The following WNK1 variants were observed in gnomAD, a reference collection of about 807,000 sequenced individuals.
The protein encoded by WNK1 is serine/threonine-protein kinase WNK1.
In WNK1, 38 loss-of-function variants were observed where a neutral mutation model predicts 222.8. That is an observed-to-expected ratio of 0.17 (90% confidence interval 0.13 to 0.22). The LOEUF (loss-of-function observed/expected upper bound fraction) is 0.22, where lower values mean the gene tolerates loss of function less well. WNK1 is among the 10% of genes least tolerant of loss of function. The pLI is 1.00. For missense variants in WNK1, 2,348 were observed against 2,918.4 expected (o/e 0.80, Z 4.50); for synonymous variants, 1,090 against 1,092.9 (o/e 1.00, Z 0.05).
intron 4 of WNK1, among the ~76,000 whole-genome samples, chr12:831,785 C>T (rs1242904265): frequency 6.6e-6 from 1 of 151,902 alleles, no homozygotes; most frequent in Non-Finnish European, 1.5e-5. Context: ...GACAAAATCC[C>T]TCTGAGGTCC....
intron 4 of WNK1, among the ~76,000 whole-genome samples, chr12:854,348 T>A (rs1344375643): frequency 8.6e-6 from 1 of 115,690 alleles, no homozygotes; most frequent in Non-Finnish European, 1.8e-5. Flanking sequence ...CAAGAACTTA[T>A]CATTATCTTT....
chr12:907,023 T>TAAAAAAAAAAAAA, intron 26 of WNK1, among the ~76,000 whole-genome samples: 2 of 1,572 alleles, frequency 1.3e-3, no homozygotes, highest in Non-Finnish European at 8.3e-3. Context: ...GACCCTTCCT[T>TAAAAAAAAAAAAA]TAAAAAAAAA....
rs141971833 is a variant in WNK1 at position 883,559 on chromosome 12, A to G, written c.3654A>G (p.Ser1218=). 2.5e-3 allele frequency: 4,062 copies of G among 1,614,212 alleles called. 86 individuals are homozygous for G. In the South Asian group the frequency reaches 0.028, roughly 11 times the overall value. The change falls in exon 16 of 28, where the codon TCA becomes TCG. Residue 1218 remains serine (S), a synonymous_variant. Coordinates refer to ENST00000315939, the MANE Select transcript of WNK1 (RefSeq NM_018979.4). The part of the protein sequence containing the change: ...SLQGKDDYGF[S]GSQKLEGEFK... The stretch of plus-strand genomic sequence containing the variant: ...AAGGAAAGGATGACTATGGCTTTTC[A>G]GGTTCTCAGGTAGGTTCACCACTCC...
At chr12:804,210 A>G (rs1423783897) in intron 1 of WNK1, among the ~76,000 whole-genome samples, 1 of 152,096 alleles carries the variant, frequency 6.6e-6, no homozygotes, top group East Asian at 1.9e-4. Flanking sequence ...ATTTCATTTT[A>G]TTGTCTTAAG....
intron 4 of WNK1, among the ~76,000 whole-genome samples, chr12:853,794 A>G (rs1011272474): frequency 1.3e-5 from 2 of 152,064 alleles, no homozygotes; most frequent in African/African-American, 2.4e-5. Context: ...TGTGTCACCC[A>G]GGCGAGAGTG....
At position 813,894 on chromosome 12, in the gene WNK1, A is replaced by G. The variant is rs891778129; in HGVS notation, c.932+80A>G. On this transcript the variant is annotated intron_variant, in intron 2 of 27. Coordinates refer to ENST00000315939, the MANE Select transcript of WNK1 (RefSeq NM_018979.4). ...TTTAAATTTCAGGTCTACCAGTTTC[A>G]CTTTGGTTGTTCAGCCTAAGAAGGG... is the stretch of plus-strand genomic sequence containing the variant. 138 of 1,491,228 alleles carry G rather than the reference A, an allele frequency of 9.3e-5. 1 individual carries two copies. In the Admixed American group the frequency reaches 2.6e-3, roughly 28 times the overall value. The allele number at this position is 1,491,228 out of a possible 1,614,324, so 92.4% of individuals were successfully genotyped here.
intron 4 of WNK1, among the ~76,000 whole-genome samples, chr12:844,369 C>G (rs1319903301): frequency 1.3e-5 from 2 of 152,304 alleles, no homozygotes; most frequent in African/African-American, 4.8e-5. Flanking sequence ...CTCCTGACCT[C>G]TAGCAATCCA....
intron 27 of WNK1, 113 bp downstream of exon 27, chr12:908,147 CT>C: frequency 7.4e-7 from 1 of 1,357,010 alleles, no homozygotes; most frequent in Non-Finnish European, 1.0e-6. Flanking sequence ...AATTTTAATA[CT>C]TTAGAAAAAC....
intron 1 of WNK1, among the ~76,000 whole-genome samples, chr12:785,410 A>G (rs11064534): frequency 3.6e-5 from 3 of 84,204 alleles, no homozygotes; most frequent in African/African-American, 1.2e-4. Context: ...CCCCCCCCCC[A>G]CCCCCTCGAA....
intron 2 of WNK1, among the ~76,000 whole-genome samples, chr12:820,140 G>A (rs922547843): frequency 6.6e-6 from 1 of 152,206 alleles, no homozygotes; most frequent in Non-Finnish European, 1.5e-5. Flanking sequence ...TGAATCTGTA[G>A]ATCATTTTGT....
At chr12:792,025 G>A (rs1195164973) in intron 1 of WNK1, among the ~76,000 whole-genome samples, 1 of 152,118 alleles carries the variant, frequency 6.6e-6, no homozygotes, top group Non-Finnish European at 1.5e-5. Flanking sequence ...CAGCCTTCCT[G>A]CCTTTATTCC....
Position 753,912 on chromosome 12 carries a change from C to A in WNK1, c.347C>A (p.Pro116Gln), listed in dbSNP as rs958127813. Residue 116 changes from proline to glutamine, a missense_variant, in exon 1 of 28, where the codon CCA becomes CAA. By Grantham distance (76) the Pro-to-Gln change is moderately conservative. Transcript: ENST00000315939. This position sits in a 1 kb window ranked among gnomAD's most constrained non-coding sequence, Gnocchi z 5.2. ...SIPAAVPQSA[P>Q]PEPHREETVT... is the part of the protein sequence containing the mutation. ...CCCGCGGCTGTCCCGCAGAGTGCTC[C>A]ACCGGAGCCCCACCGGGAAGAGACC... The A allele has an allele frequency of 1.2e-6, 2 of 1,609,986 alleles. No individual in the cohort carries two copies. Among genetic ancestry groups the A allele is most frequent in the African/African-American group, 2.7e-5 (2 of 75,010 alleles).
chr12:860,172 T>C (rs1351276850), intron 6 of WNK1, among the ~76,000 whole-genome samples: 1 of 152,230 alleles, frequency 6.6e-6, no homozygotes, highest in African/African-American at 2.4e-5. Flanking sequence ...TCATTAAGAA[T>C]GACAAGTTAT....
At chr12:905,834 A>G (rs1955650375) in intron 26 of WNK1, among the ~76,000 whole-genome samples, 1 of 152,148 alleles carries the variant, frequency 6.6e-6, no homozygotes, top group Non-Finnish European at 1.5e-5. Flanking sequence ...TGTATGTGCA[A>G]TAGCAATCCC....
intron 4 of WNK1, 60 bp from the exon 5 acceptor site, chr12:857,101 T>A (rs528786066): frequency 1.9e-6 from 3 of 1,564,212 alleles, no homozygotes; most frequent in South Asian, 2.2e-5. Flanking sequence ...AATTGGAAAT[T>A]TAAAAAACAA....
chr12:840,744 A>G (rs992041834), intron 4 of WNK1, among the ~76,000 whole-genome samples: 2 of 152,224 alleles, frequency 1.3e-5, no homozygotes, highest in Non-Finnish European at 2.9e-5. Flanking sequence ...AGAGTCCTGT[A>G]AGAAATTACT....
intron 1 of WNK1, among the ~76,000 whole-genome samples, chr12:792,308 C>CTTT (rs35838951): frequency 1.1e-3 from 95 of 89,040 alleles, no homozygotes; most frequent in African/African-American, 1.3e-3. Flanking sequence ...TACTGTTATT[C>CTTT]TTTTTTTTTT....
chr12:908,429 T>C, intron 27 of WNK1, 46 bp from the exon 28 acceptor site: 2 of 1,591,148 alleles, frequency 1.3e-6, no homozygotes, highest in Non-Finnish European at 1.7e-6. Context: ...ACACATTTTA[T>C]ACCATGGCCC....
chr12:774,235 A>G (rs984674509), intron 1 of WNK1, among the ~76,000 whole-genome samples: 3 of 152,164 alleles, frequency 2.0e-5, no homozygotes, highest in Non-Finnish European at 2.9e-5. Context: ...AGTTTTTACC[A>G]TTATTGTCTC....
Sources: allele counts gnomAD v4.1 joint callset (sites outside exome capture counted in the v4.1 genomes callset), GRCh38; gene constraint gnomAD v4.1.1; non-coding constraint Gnocchi (gnomAD v3.1); transcripts MANE v1.5; gene names NCBI Gene and HGNC (gene_info 2026-07-23, HGNC 2026-07-21).